ANO2: variants seen among roughly 807,000 people sequenced by gnomAD.
The protein encoded by ANO2 is anoctamin-2.
ANO2 carries 101 observed loss-of-function variants against 124.2 expected under a neutral mutation model. That is an observed-to-expected ratio of 0.81 (90% CI 0.69 to 0.96). ANO2 has a LOEUF of 0.96. Among genes scored for constraint, ANO2 ranks in the 40% least tolerant of loss-of-function variants. ANO2 has a pLI of 0.00. For synonymous variants in ANO2, 486 were observed against 482.5 expected (o/e 1.01, Z -0.09); for missense variants, 1,293 against 1,274.5 (o/e 1.01, Z -0.22).
At chr12:5,574,548 T>C (rs7309477) in intron 23 of ANO2, among the ~76,000 whole-genome samples, 103,795 of 152,008 alleles carry the variant, frequency 0.68, 36,125 homozygotes, top group Admixed American at 0.8. Context: ...TCAGTCCAAG[T>C]TTTGGAGATA....
chr12:5,607,443 G>C (rs1442922733), intron 19 of ANO2, among the ~76,000 whole-genome samples: 1 of 149,840 alleles, frequency 6.7e-6, no homozygotes. Flanking sequence ...TTTTAAGTTA[G>C]ATGGCAATAT....
At chr12:5,844,339 C>CA (rs1954615502) in intron 4 of ANO2, among the ~76,000 whole-genome samples, 1 of 152,114 alleles carries the variant, frequency 6.6e-6, no homozygotes, top group Admixed American at 6.5e-5. Flanking sequence ...GGCTTGGGGA[C>CA]ACAGGGCAGT....
At chr12:5,857,000 T>C (rs1463847090) in intron 3 of ANO2, among the ~76,000 whole-genome samples, 1 of 152,178 alleles carries the variant, frequency 6.6e-6, no homozygotes, top group Admixed American at 6.5e-5. Context: ...GCAATATTGT[T>C]ACCTTCTCAT....
At chr12:5,786,029 G>A (rs910580850) in intron 10 of ANO2, among the ~76,000 whole-genome samples, 2 of 151,312 alleles carry the variant, frequency 1.3e-5, no homozygotes. Flanking sequence ...GTTCAGGAAG[G>A]GGGAGAGGCT....
intron 20 of ANO2, among the ~76,000 whole-genome samples, chr12:5,598,782 A>C (rs1210029021): frequency 1.3e-5 from 2 of 152,250 alleles, no homozygotes; most frequent in South Asian, 4.1e-4. Context: ...CCAACAGTGC[A>C]AAGGCAGCTG....
At chr12:5,929,121 TC>T (rs1276679544) in intron 1 of ANO2, among the ~76,000 whole-genome samples, 1 of 93,176 alleles carries the variant, frequency 1.1e-5, no homozygotes, top group Non-Finnish European at 2.1e-5. Context: ...CTGTCTTCTT[TC>T]CTTACTCGTC....
At chr12:5,943,295 G>T (rs1942967496) in intron 1 of ANO2, among the ~76,000 whole-genome samples, 1 of 151,846 alleles carries the variant, frequency 6.6e-6, no homozygotes, top group African/African-American at 2.4e-5. Flanking sequence ...GTGTGTGTGT[G>T]TGTGTGTGTG....
At position 5,735,621 on chromosome 12, in the gene ANO2, T is replaced by C. The variant is rs117455197; in HGVS notation, c.1435-2991A>G. Among the ~76,000 whole-genome samples the C allele has an allele frequency of 1.8e-3, 280 of 151,952 alleles. 4 individuals are homozygous for C. In the East Asian group the frequency reaches 0.045, roughly 24 times the overall value. Reference sequence around the variant, plus strand: ...AATAAAGCAGAATGGCTGCTTCAGATTGGGGAGTTGGGGGAGGCCAATCTG... The same window carrying C: ...AATAAAGCAGAATGGCTGCTTCAGACTGGGGAGTTGGGGGAGGCCAATCTG... On this transcript the variant is annotated intron_variant, in intron 13 of 24. Coordinates refer to ENST00000682330, the MANE Select transcript of ANO2 (RefSeq NM_001364791.2).
chr12:5,629,801 T>C (rs557620821), intron 16 of ANO2, among the ~76,000 whole-genome samples: 2 of 152,264 alleles, frequency 1.3e-5, no homozygotes, highest in East Asian at 3.9e-4. Flanking sequence ...AGGCTCCCTC[T>C]AGGACACAGC....
At chr12:5,760,405 G>C (rs1951703257) in intron 10 of ANO2, among the ~76,000 whole-genome samples, 2 of 152,144 alleles carry the variant, frequency 1.3e-5, no homozygotes, top group South Asian at 2.1e-4. Flanking sequence ...TTAATGGAAG[G>C]ACTAAAGAGT....
At chr12:5,937,412 T>C (rs990950865) in intron 1 of ANO2, among the ~76,000 whole-genome samples, 3 of 152,228 alleles carry the variant, frequency 2.0e-5, no homozygotes, top group South Asian at 4.1e-4. Context: ...AGGTTATTTG[T>C]ATTTTTGCTA....
At chr12:5,610,901 T>C (rs1206711537) in intron 19 of ANO2, among the ~76,000 whole-genome samples, 13 of 147,758 alleles carry the variant, frequency 8.8e-5, no homozygotes, top group Non-Finnish European at 1.5e-4. Flanking sequence ...ATGATGGCAG[T>C]CCATCTTGTA....
intron 3 of ANO2, chr12:5,858,616 T>C (rs1038724503): frequency 1.3e-5 from 2 of 152,208 alleles, no homozygotes; most frequent in Non-Finnish European, 2.9e-5. Context: ...CTCACCTTCT[T>C]TATCTGAATA....
chr12:5,939,083 G>T (rs922233582), intron 1 of ANO2, among the ~76,000 whole-genome samples: 1 of 151,094 alleles, frequency 6.6e-6, no homozygotes, highest in African/African-American at 2.4e-5. Flanking sequence ...TGGGCGTAGT[G>T]GTGCGCGCCT....
chr12:5,647,969 G>A lies in ANO2; in HGVS notation c.1546-168C>T, dbSNP rs139176887. Among the ~76,000 whole-genome samples the A allele has an allele frequency of 4.8e-4, 73 of 152,196 alleles. 1 individual carries two copies. The highest frequency in any genetic ancestry group is 3.1e-3 in the South Asian group (15 of 4,818). The stretch of plus-strand genomic sequence containing the variant: ...TATCAACAACTGCCCTTCTAATTTT[G>A]TAATTTCTAGATAAGTTGGCATAGC... On this transcript the variant is annotated intron_variant, in intron 14 of 24. Coordinates refer to ENST00000682330, the MANE Select transcript of ANO2 (RefSeq NM_001364791.2).
intron 14 of ANO2, among the ~76,000 whole-genome samples, chr12:5,692,309 T>C (rs931831620): frequency 1.3e-5 from 2 of 152,066 alleles, no homozygotes. Flanking sequence ...ACTCCTACGT[T>C]TTCGTCCTCC....
At chr12:5,834,752 C>T (rs980061318) in intron 4 of ANO2, among the ~76,000 whole-genome samples, 1 of 152,180 alleles carries the variant, frequency 6.6e-6, no homozygotes, top group Non-Finnish European at 1.5e-5. Context: ...ATTAACTAAA[C>T]GTTAGGAGTT....
At chr12:5,780,111 C>T (rs1224857965) in intron 10 of ANO2, among the ~76,000 whole-genome samples, 1 of 152,146 alleles carries the variant, frequency 6.6e-6, no homozygotes, top group Non-Finnish European at 1.5e-5. Context: ...TATTAGATTA[C>T]TTCAAGAGTA....
intron 19 of ANO2, among the ~76,000 whole-genome samples, chr12:5,612,269 T>C (rs970547010): frequency 4.6e-5 from 7 of 152,330 alleles, no homozygotes; most frequent in South Asian, 2.1e-4. Flanking sequence ...TTTCTTCGTA[T>C]AGATTGTCCT....
Sources: allele counts gnomAD v4.1 joint callset (sites outside exome capture counted in the v4.1 genomes callset), GRCh38; gene constraint gnomAD v4.1.1; transcripts MANE v1.5; gene names NCBI Gene and HGNC (gene_info 2026-07-23, HGNC 2026-07-21).